Variants in RNF39 observed in about 807,000 individuals in gnomAD.
RNF39 encodes the protein ring finger protein 39.
Under a neutral mutation model 29.2 loss-of-function variants are expected in RNF39, and 25 were observed. The observed-to-expected ratio is 0.86, with a 90% CI of 0.62 to 1.20. The LOEUF (loss-of-function observed/expected upper bound fraction) is 1.20, where lower values mean the gene tolerates loss of function less well. Ranked by LOEUF, RNF39 falls within the 50% of genes most tolerant of loss-of-function variation. The probability of loss-of-function intolerance (pLI) is 0.00; values close to 1 mark genes in which losing one functional copy is unlikely to be tolerated. For synonymous variants in RNF39, 219 were observed against 229.0 expected, an observed-to-expected ratio of 0.96 and a Z score of 0.40; for missense variants, 519 against 515.0, an observed-to-expected ratio of 1.01 and a Z score of -0.08.
Position 30,071,148 on chromosome 6 carries a change from G to T in RNF39, c.1022C>A (p.Pro341His). Residue 341 changes from proline (P) to histidine (H), a missense_variant, in exon 4 of 4, where the codon CCT (proline) becomes CAT (histidine). Coordinates refer to ENST00000244360, the MANE Select transcript of RNF39 (RefSeq NM_025236.4). The surrounding 1 kb of genome is among the most constrained non-coding windows in gnomAD (Gnocchi z 5.0). ...TGGTACAATGCGGAGCGGAGCACGA[G>T]GGTCGCAGGTGCAGAACAGCGGGAA... ...RIFPLFCTCD[P>H]RAPLRIVPAE... 1 of 1,545,322 alleles carries T rather than the reference G, an allele frequency of 6.5e-7. No individual in the cohort carries two copies. Among genetic ancestry groups the T allele is most frequent in the Non-Finnish European group, 8.7e-7 (1 of 1,145,514 alleles).
chr6:30,073,690 T>A (rs913663382), intron 1 of RNF39, among the ~76,000 whole-genome samples: 2 of 151,990 alleles, frequency 1.3e-5, no homozygotes, highest in Admixed American at 1.3e-4. Context: ...TCTCACCCCA[T>A]CACTTTTCCC....
In RNF39 at chr6:30,071,748, G is replaced by T; in HGVS notation, c.479-57C>A. The T allele has an allele frequency of 3.0e-6, 4 of 1,328,066 alleles. No individual in the cohort carries two copies. Among genetic ancestry groups the T allele is most frequent in the African/African-American group, 1.5e-5 (1 of 64,778 alleles). The allele number at this position is 1,328,066 out of a possible 1,614,324, so 82.3% of individuals were successfully genotyped here. A position where few individuals can be genotyped will look rare whatever the true frequency, so the allele number is the denominator to read the frequency against. ...TGAGAGAGTTTTCTAAATCACAGGC[G>T]GGGTAGGGTGGAGAATAGTCAACGA... On this transcript the variant is annotated intron_variant, in intron 3 of 3. Transcript: ENST00000244360. This position sits in a 1 kb window ranked among gnomAD's most constrained non-coding sequence, Gnocchi z 5.0.
At position 30,073,263 on chromosome 6, in the gene RNF39, G is replaced by A. The variant is rs1766140884; in HGVS notation, c.387-15C>T. Reference sequence around the variant, plus strand: ...GGACTTCAAATCTACACAGATGAGGGGAAGGGTCAGGAAATCAGCCCTCTG... The same window carrying A: ...GGACTTCAAATCTACACAGATGAGGAGAAGGGTCAGGAAATCAGCCCTCTG... On this transcript the variant is annotated splice_polypyrimidine_tract_variant and intron_variant, in intron 2 of 3. Transcript: ENST00000244360. 6.4e-7 allele frequency: 1 copy of A among 1,572,346 alleles called. No homozygotes were observed. The highest frequency in any genetic ancestry group is 8.8e-7 in the Non-Finnish European group (1 of 1,142,470).
rs1385216323 is a variant in RNF39, at chr6:30,075,536, A to G, written c.50T>C (p.Leu17Pro). 2 of 1,591,712 alleles carry G rather than the reference A, an allele frequency of 1.3e-6. No individual in the cohort carries two copies. The highest frequency in any genetic ancestry group is 4.6e-5 in the East Asian group (2 of 43,708). ...GPGLVERLEQ[L>P]ATCPLCGGSF... ...GCCCCCGCACAGAGGACACGTCGCC[A>G]GCTGCTCCAGACGCTCCACCAGCCC... The change falls in exon 1 of 4, where the codon CTG (leucine) becomes CCG (proline). Residue 17 changes from leucine to proline, a missense_variant. Transcript: ENST00000244360.
At chr6:30,075,200 CCG>C in intron 1 of RNF39, 21 bp downstream of exon 1, 1 of 1,554,958 alleles carries the variant, frequency 6.4e-7, no homozygotes, top group Admixed American at 1.9e-5. Context: ...ACCAACAACT[CCG>C]CGACGCGCGC....
chr6:30,073,417 G>A (rs1766154078), intron 2 of RNF39, 39 bp downstream of exon 2: 2 of 1,613,608 alleles, frequency 1.2e-6, no homozygotes, highest in Non-Finnish European at 1.7e-6. Flanking sequence ...GGCTATGGCA[G>A]CTGGTGAGAA....
At chr6:30,073,607 G>A in intron 1 of RNF39, 129 bp from the exon 2 acceptor site, 2 of 914,284 alleles carry the variant, frequency 2.2e-6, no homozygotes. Flanking sequence ...CTTTCAGAGT[G>A]ATCTCACCTC....
In RNF39 at chr6:30,074,022, T is replaced by C. The variant is rs1443649889; in HGVS notation, c.364-544A>G. ...CTCTTGCAATAAAAGCCCAGTGGCA[T>C]TTATTGGGCCCTTTGCTTTGTGTCT... On this transcript the variant is annotated intron_variant, in intron 1 of 3. Transcript: ENST00000244360. This position sits in a 1 kb window ranked among gnomAD's most constrained non-coding sequence, Gnocchi z 4.1. 1.3e-5 allele frequency among the ~76,000 whole-genome samples: 2 copies of C among 152,240 alleles called. No individual in the cohort carries two copies. Among genetic ancestry groups the C allele is most frequent in the East Asian group, 3.9e-4 (2 of 5,172 alleles).
In RNF39 at chr6:30,071,822, G is replaced by A; in HGVS notation, c.479-131C>T. ...TAGTGACCACACAACAGCTCAAAAG[G>A]CGACTGCAGGACCAAAAAGAAGGAA... On this transcript the variant is annotated intron_variant, in intron 3 of 3. Coordinates refer to ENST00000244360, the MANE Select transcript of RNF39 (RefSeq NM_025236.4). The surrounding 1 kb of genome is among the most constrained non-coding windows in gnomAD (Gnocchi z 5.0). 1.3e-6 allele frequency: 1 copy of A among 753,904 alleles called. No homozygotes were observed. Among genetic ancestry groups the A allele is most frequent in the Non-Finnish European group, 2.0e-6 (1 of 512,118 alleles). 46.7% of individuals were successfully genotyped at this position (753,904 alleles called of 1,614,324 possible).
chr6:30,073,683 C>T (rs1195004687), intron 1 of RNF39, among the ~76,000 whole-genome samples: 1 of 152,022 alleles, frequency 6.6e-6, no homozygotes, highest in African/African-American at 2.4e-5. Flanking sequence ...TCCTTCCTCT[C>T]ACCCCATCAC....
chr6:30,075,614 T>TTTTTTAATGATA lies in RNF39; in HGVS notation c.-30_-29insTATCATTAAAAA, dbSNP rs1766378787. 1 of 1,575,420 alleles carries TTTTTTAATGATA rather than the reference T, an allele frequency of 6.3e-7. No individual in the cohort carries two copies. Among genetic ancestry groups the TTTTTTAATGATA allele is most frequent in the African/African-American group, 1.6e-5 (1 of 64,302 alleles). Reference sequence around the variant, plus strand: ...AAGCCAGGATCTGGACGCCGCCCCTTCCGCGACCACCGTGACCGCCTTCGA... The same window carrying TTTTTTAATGATA: ...AAGCCAGGATCTGGACGCCGCCCCTTTTTTTAATGATACCGCGACCACCGTGACCGCCTTCGA... On this transcript the variant is annotated 5_prime_UTR_variant, in exon 1 of 4. It introduces an in-frame stop codon into an upstream open reading frame of the 5' UTR. Coordinates refer to ENST00000244360, the MANE Select transcript of RNF39 (RefSeq NM_025236.4).
Position 30,075,758 on chromosome 6 carries a change from A to G in RNF39, c.-173T>C, listed in dbSNP as rs1420788357. 1.2e-6 allele frequency: 2 copies of G among 1,614,198 alleles called. No homozygotes were observed. Among genetic ancestry groups the G allele is most frequent in the South Asian group, 2.2e-5 (2 of 91,084 alleles). On this transcript the variant is annotated 5_prime_UTR_variant, in exon 1 of 4. Transcript: ENST00000244360. ...TGGGATTGCCTCTCTCTTCAACCAG[A>G]GTCTCAGTCTCGTCAAATCTCTCCA...
chr6:30,075,685 C>G lies in RNF39; in HGVS notation c.-100G>C. 6.2e-7 allele frequency: 1 copy of G among 1,613,810 alleles called. No individual in the cohort carries two copies. Among genetic ancestry groups the G allele is most frequent in the South Asian group, 1.1e-5 (1 of 91,068 alleles). On this transcript the variant is annotated 5_prime_UTR_variant, in exon 1 of 4. Transcript: ENST00000244360. The stretch of plus-strand genomic sequence containing the variant: ...CCCTGCTGCTTGCTGTGTAGATGCC[C>G]TTCTCTCCGACTCCCGCATTAACTT...
chr6:30,075,155 G>A (rs1582401035), intron 1 of RNF39, 68 bp downstream of exon 1: 1 of 1,452,294 alleles, frequency 6.9e-7, no homozygotes, highest in South Asian at 1.3e-5. Flanking sequence ...CTCCAGACGT[G>A]CCATTCCCGG....
In RNF39 at chr6:30,071,592, G is replaced by T. The variant is rs1254077754; in HGVS notation, c.578C>A (p.Pro193His). The change falls in exon 4 of 4, where the codon CCT becomes CAT. Residue 193 changes from proline (P) to histidine (H), a missense_variant. Physicochemically the swap from Pro to His is moderately conservative, Grantham distance 77. Transcript: ENST00000244360. The surrounding 1 kb of genome is among the most constrained non-coding windows in gnomAD (Gnocchi z 5.0). ...QLAPPGTPAPPDGPKRFDQLP... is the reference protein window; with the variant it reads ...QLAPPGTPAPHDGPKRFDQLP... ...CTGATCGAAGCGCTTGGGGCCGTCA[G>T]GGGGCGCGGGCGTCCCTGGTGGGGC... 4 of 1,468,080 alleles carry T rather than the reference G, an allele frequency of 2.7e-6. No individual in the cohort carries two copies. The highest frequency in any genetic ancestry group is 1.5e-5 in the African/African-American group (1 of 68,680). The allele number at this position is 1,468,080 out of a possible 1,614,324, so 90.9% of individuals were successfully genotyped here. A position where few individuals can be genotyped will look rare whatever the true frequency, so the allele number is the denominator to read the frequency against.
At position 30,075,529 on chromosome 6, in the gene RNF39, C is replaced by G. The variant is rs1174703186; in HGVS notation, c.57G>C (p.Thr19=). Residue 19 remains threonine (T), a synonymous_variant, in exon 1 of 4, where the codon ACG becomes ACC. Coordinates refer to ENST00000244360, the MANE Select transcript of RNF39 (RefSeq NM_025236.4). ...GLVERLEQLA[T]CPLCGGSFED... ...CGAAGGAGCCCCCGCACAGAGGACACGTCGCCAGCTGCTCCAGACGCTCCA... is the reference window on the plus strand; with the variant it reads ...CGAAGGAGCCCCCGCACAGAGGACAGGTCGCCAGCTGCTCCAGACGCTCCA... The G allele has an allele frequency of 6.3e-7, 1 of 1,584,732 alleles. No individual in the cohort carries two copies. The highest frequency in any genetic ancestry group is 1.1e-5 in the South Asian group (1 of 88,214).
rs1172818423 is a variant in RNF39, at chr6:30,072,353, G to T, written c.479-662C>A. ...TTGAAGAAAAATTTCTGGATTAGGG[G>T]TGTCAGAAGCAATCTGGACTGGGCA... On this transcript the variant is annotated intron_variant, in intron 3 of 3. Transcript: ENST00000244360. This position sits in a 1 kb window ranked among gnomAD's most constrained non-coding sequence, Gnocchi z 4.5. Among the ~76,000 whole-genome samples the T allele has an allele frequency of 6.6e-6, 1 of 152,088 alleles. No homozygotes were observed. Among genetic ancestry groups the T allele is most frequent in the Non-Finnish European group, 1.5e-5 (1 of 68,022 alleles).
In RNF39 at chr6:30,071,733, T is replaced by G. The variant is rs916227485; in HGVS notation, c.479-42A>C. On this transcript the variant is annotated intron_variant, in intron 3 of 3. Coordinates refer to ENST00000244360, the MANE Select transcript of RNF39 (RefSeq NM_025236.4). This position sits in a 1 kb window ranked among gnomAD's most constrained non-coding sequence, Gnocchi z 5.0. ...AGGGAGAGGACCTCATGAGAGAGTT[T>G]TCTAAATCACAGGCGGGGTAGGGTG... is the stretch of plus-strand genomic sequence containing the variant. The G allele has an allele frequency of 6.6e-6, 9 of 1,368,294 alleles. No homozygotes were observed. The African/African-American group carries it at 1.4e-4, about 21-fold the overall frequency. 84.8% of individuals were successfully genotyped at this position (1,368,294 alleles called of 1,614,324 possible).
intron 3 of RNF39, 70 bp downstream of exon 3, chr6:30,073,087 A>T: frequency 8.9e-7 from 1 of 1,117,354 alleles, no homozygotes; most frequent in Non-Finnish European, 1.4e-6. Context: ...ATCACTTTTT[A>T]GGGCTAAAAG....
Sources: allele counts gnomAD v4.1 joint callset (sites outside exome capture counted in the v4.1 genomes callset), GRCh38; gene constraint gnomAD v4.1.1; non-coding constraint Gnocchi (gnomAD v3.1); transcripts MANE v1.5; gene names NCBI Gene and HGNC (gene_info 2026-07-23, HGNC 2026-07-21).